EEF2K: variants seen among roughly 807,000 people sequenced by gnomAD.
The protein encoded by EEF2K is eukaryotic elongation factor 2 kinase, also known as alternative protein EEF2K.
Under a neutral mutation model 93.8 loss-of-function variants are expected in EEF2K, and 70 were observed. The observed-to-expected ratio is 0.75, with a 90% CI of 0.62 to 0.91. The LOEUF is 0.91. Among genes scored for constraint, EEF2K ranks in the 40% least tolerant of loss-of-function variants. The pLI, the probability that EEF2K is intolerant of heterozygous loss-of-function variation, is 0.00. For synonymous variants in EEF2K, 376 were observed against 380.8 expected, an observed-to-expected ratio of 0.99 and a Z score of 0.15; for missense variants, 935 against 972.9, an observed-to-expected ratio of 0.96 and a Z score of 0.52.
intron 12 of EEF2K, 56 bp downstream of exon 12, chr16:22,263,243 AG>A (rs2047484252): frequency 6.6e-7 from 1 of 1,525,154 alleles, no homozygotes; most frequent in Admixed American, 2.1e-5. Context: ...TTTATCCTCC[AG>A]GAAAATGAAA....
rs1047103024 is a variant in EEF2K, at chr16:22,258,694, C to T, written c.1230C>T (p.Leu410=). 1 of 1,614,018 alleles carries T rather than the reference C, an allele frequency of 6.2e-7. No individual in the cohort carries two copies. The highest frequency in any genetic ancestry group is 1.3e-5 in the African/African-American group (1 of 74,934). Residue 410 remains leucine, a splice_region_variant and synonymous_variant, in exon 10 of 18, where the codon CTC becomes CTT. Coordinates refer to ENST00000263026, the MANE Select transcript of EEF2K (RefSeq NM_013302.5). Reference sequence around the variant, plus strand: ...CACACAGCCAGAAGCTAGACCACCTCCGTGAGTGACGGTTCGGTCCCTAGT... The same window carrying T: ...CACACAGCCAGAAGCTAGACCACCTTCGTGAGTGACGGTTCGGTCCCTAGT... The part of the protein sequence containing the change: ...ATPHSQKLDH[L]HWPVFSDLDN...
chr16:22,277,496 C>T (rs935831267), intron 16 of EEF2K, among the ~76,000 whole-genome samples: 5 of 152,138 alleles, frequency 3.3e-5, no homozygotes, highest in Non-Finnish European at 7.4e-5. Context: ...CAGCCACTTG[C>T]TTGCTTTTTT....
At chr16:22,214,076 C>T (rs1008436989) in intron 1 of EEF2K, among the ~76,000 whole-genome samples, 1 of 152,118 alleles carries the variant, frequency 6.6e-6, no homozygotes, top group Non-Finnish European at 1.5e-5. Context: ...TTGTAGGGAG[C>T]GAAGTGATTT....
chr16:22,238,737 A>G (rs953961673), intron 2 of EEF2K, among the ~76,000 whole-genome samples: 2 of 151,556 alleles, frequency 1.3e-5, no homozygotes, highest in Non-Finnish European at 2.9e-5. Flanking sequence ...GGTAGGTGAT[A>G]GGAATGGCTG....
chr16:22,208,635 C>T (rs1016244293), intron 1 of EEF2K, among the ~76,000 whole-genome samples: 8 of 151,928 alleles, frequency 5.3e-5, no homozygotes, highest in African/African-American at 1.9e-4. Context: ...TGGTAGCTCA[C>T]ACCTGTAATC....
At chr16:22,235,138 T>C (rs1158247487) in intron 2 of EEF2K, among the ~76,000 whole-genome samples, 1 of 151,456 alleles carries the variant, frequency 6.6e-6, no homozygotes, top group Non-Finnish European at 1.5e-5. Context: ...TGTTTAAACC[T>C]GGGAGGCAGA....
At chr16:22,221,029 A>T (rs1289596534) in intron 1 of EEF2K, among the ~76,000 whole-genome samples, 3 of 152,242 alleles carry the variant, frequency 2.0e-5, no homozygotes, top group Non-Finnish European at 2.9e-5. Context: ...TGGCTCTGGC[A>T]TTGGATCCAG....
At chr16:22,236,892 C>T (rs2047172668) in intron 2 of EEF2K, among the ~76,000 whole-genome samples, 1 of 149,432 alleles carries the variant, frequency 6.7e-6, no homozygotes, top group African/African-American at 2.5e-5. Flanking sequence ...ATTCTGTAGC[C>T]AGAATTATGT....
intron 6 of EEF2K, among the ~76,000 whole-genome samples, chr16:22,254,261 G>C (rs2047378793): frequency 6.6e-6 from 1 of 152,200 alleles, no homozygotes; most frequent in Non-Finnish European, 1.5e-5. Context: ...CCCAGCAGGT[G>C]GCCCTGCTGT....
At chr16:22,283,593 T>C (rs1378379372) in intron 17 of EEF2K, among the ~76,000 whole-genome samples, 1 of 152,120 alleles carries the variant, frequency 6.6e-6, no homozygotes, top group Non-Finnish European at 1.5e-5. Flanking sequence ...ATCATCTACA[T>C]ACCCCAAACC....
chr16:22,268,829 C>T (rs751470642), intron 15 of EEF2K, among the ~76,000 whole-genome samples: 4 of 151,710 alleles, frequency 2.6e-5, no homozygotes, highest in Admixed American at 1.3e-4. Flanking sequence ...TGGTGGCATG[C>T]GCCTGTAATC....
intron 11 of EEF2K, among the ~76,000 whole-genome samples, chr16:22,262,436 A>G (rs1453044522): frequency 6.6e-6 from 1 of 151,444 alleles, no homozygotes; most frequent in African/African-American, 2.4e-5. Flanking sequence ...CTTCAGCTCA[A>G]GAGGTAGAGG....
At chr16:22,273,890 C>T in intron 16 of EEF2K, 140 bp downstream of exon 16, 1 of 1,244,892 alleles carries the variant, frequency 8.0e-7, no homozygotes, top group Non-Finnish European at 1.1e-6. Flanking sequence ...CTTATTTTAC[C>T]TCCCTGGCCT....
At chr16:22,272,092 G>GA (rs149835218) in intron 15 of EEF2K, among the ~76,000 whole-genome samples, 2,875 of 152,262 alleles carry the variant, frequency 0.019, 55 homozygotes, top group Middle Eastern at 0.082. Flanking sequence ...TCTTACAATA[G>GA]AAAAAACAGT....
intron 1 of EEF2K, among the ~76,000 whole-genome samples, chr16:22,210,278 TCTAGCAAGGA>T (rs772062269): frequency 1.3e-5 from 2 of 152,138 alleles, no homozygotes; most frequent in Non-Finnish European, 2.9e-5. Context: ...GCTTTCGAGC[TCTAGCAAGGA>T]CTAGCAAGCC....
Position 22,264,809 on chromosome 16 carries a change from T to G in EEF2K, c.1378-9T>G. On this transcript the variant is annotated splice_polypyrimidine_tract_variant and intron_variant, in intron 12 of 17. Transcript: ENST00000263026. ...GCTTTGGATCAGTGTAATTTCTTCC[T>G]CCGTTCAGGGCCACTCATACAGTAA... 1.2e-6 allele frequency: 2 copies of G among 1,613,698 alleles called. No homozygotes were observed. Among genetic ancestry groups the G allele is most frequent in the Non-Finnish European group, 1.7e-6 (2 of 1,179,794 alleles).
intron 11 of EEF2K, among the ~76,000 whole-genome samples, chr16:22,261,622 G>A (rs1471249978): frequency 7.9e-5 from 12 of 151,316 alleles, no homozygotes; most frequent in Non-Finnish European, 8.8e-5. Context: ...CCCAGGAGGC[G>A]GAGGTTGCAG....
chr16:22,240,931 G>A lies in EEF2K; in HGVS notation c.247-3699G>A, dbSNP rs905801241. 6.6e-5 allele frequency among the ~76,000 whole-genome samples: 10 copies of A among 151,790 alleles called. No homozygotes were observed. In the East Asian group the frequency reaches 7.7e-4, roughly 12 times the overall value. ...ATTACAGGCTCGTGCCACCATGCCCGGCTAATTTTTGTATTTTTAGTAGTG... is the reference window on the plus strand; with the variant it reads ...ATTACAGGCTCGTGCCACCATGCCCAGCTAATTTTTGTATTTTTAGTAGTG... On this transcript the variant is annotated intron_variant, in intron 2 of 17. Transcript: ENST00000263026.
chr16:22,257,852 C>T lies in EEF2K; in HGVS notation c.1029+82C>T. 2 of 1,560,328 alleles carry T rather than the reference C, an allele frequency of 1.3e-6. 1 individual carries two copies. Among genetic ancestry groups the T allele is most frequent in the South Asian group, 2.4e-5 (2 of 83,762 alleles). Reference sequence around the variant, plus strand: ...CAAGCCCTGCTCCCCTGTGTGGTGACAGCCAGGTCAAGCAGTGCTTAACTG... The same window carrying T: ...CAAGCCCTGCTCCCCTGTGTGGTGATAGCCAGGTCAAGCAGTGCTTAACTG... On this transcript the variant is annotated intron_variant, in intron 9 of 17. Coordinates refer to ENST00000263026, the MANE Select transcript of EEF2K (RefSeq NM_013302.5).
Sources: allele counts gnomAD v4.1 joint callset (sites outside exome capture counted in the v4.1 genomes callset), GRCh38; gene constraint gnomAD v4.1.1; transcripts MANE v1.5; gene names NCBI Gene and HGNC (gene_info 2026-07-23, HGNC 2026-07-21).